UVRAG: variants seen among roughly 807,000 people sequenced by gnomAD.
The protein encoded by UVRAG is UV radiation resistance associated, also known as UV radiation resistance-associated gene protein.
In UVRAG, 19 loss-of-function variants were observed where a neutral mutation model predicts 78.0. The observed-to-expected ratio is 0.24, with a 90% CI of 0.17 to 0.36. The LOEUF (loss-of-function observed/expected upper bound fraction) is 0.36, where lower values mean the gene tolerates loss of function less well. UVRAG is among the 10% of genes least tolerant of loss of function. UVRAG has a pLI of 1.00. For missense variants in UVRAG, 740 were observed against 853.8 expected (o/e 0.87, Z 1.66); for synonymous variants, 323 against 324.6 (o/e 1.00, Z 0.05).
intron 13 of UVRAG, among the ~76,000 whole-genome samples, chr11:76,085,985 G>A (rs1951583619): frequency 6.6e-6 from 1 of 152,074 alleles, no homozygotes. Flanking sequence ...TGAAGTTGGT[G>A]CACCACCAAA....
At chr11:76,099,644 C>T (rs1467700365) in intron 13 of UVRAG, among the ~76,000 whole-genome samples, 1 of 152,016 alleles carries the variant, frequency 6.6e-6, no homozygotes, top group Non-Finnish European at 1.5e-5. Flanking sequence ...TCTTTTACAT[C>T]CCTCAATAGA....
chr11:76,069,473 A>C (rs929765037), intron 13 of UVRAG, among the ~76,000 whole-genome samples: 49 of 152,244 alleles, frequency 3.2e-4, no homozygotes, highest in African/African-American at 1.1e-3. Flanking sequence ...AGTATAATTG[A>C]CGTTGACTTT....
intron 6 of UVRAG, among the ~76,000 whole-genome samples, chr11:75,929,814 A>G (rs906384159): frequency 5.9e-5 from 9 of 152,272 alleles, no homozygotes; most frequent in South Asian, 2.1e-4. Context: ...CAGGCAGTAT[A>G]AGGAACAGAA....
chr11:76,012,793 ATGTTTGTGTGTGTGTGTGTG>A (rs1950075201), intron 11 of UVRAG: 2 of 128,018 alleles, frequency 1.6e-5, no homozygotes, highest in African/African-American at 6.5e-5. Context: ...TAAAAAAAAA[ATGTTTGTGTGTGTGTGTGTG>A]TGTGTGTGTG....
chr11:75,847,946 G>A (rs903464538), intron 1 of UVRAG, among the ~76,000 whole-genome samples: 2 of 147,650 alleles, frequency 1.4e-5, no homozygotes, highest in African/African-American at 5.3e-5. Flanking sequence ...ACTCCAGCCT[G>A]GCAACAGAGT....
intron 1 of UVRAG, among the ~76,000 whole-genome samples, chr11:75,824,743 G>A (rs1038082657): frequency 7.1e-5 from 10 of 141,260 alleles, no homozygotes; most frequent in Admixed American, 4.5e-4. Context: ...GCACGATCTC[G>A]GCTCACTGCA....
intron 13 of UVRAG, among the ~76,000 whole-genome samples, chr11:76,108,615 T>A (rs1425190929): frequency 6.6e-6 from 1 of 152,316 alleles, no homozygotes; most frequent in East Asian, 1.9e-4. Flanking sequence ...ACTATATTTT[T>A]ATACAAAAAG....
chr11:76,007,650 T>C (rs758952128), intron 10 of UVRAG, 29 bp downstream of exon 10: 2 of 1,585,832 alleles, frequency 1.3e-6, no homozygotes, highest in African/African-American at 1.4e-5. Flanking sequence ...GAAAATATTT[T>C]TCGTTTTGAA....
chr11:75,975,231 G>A (rs1949212857), intron 7 of UVRAG, among the ~76,000 whole-genome samples: 3 of 152,260 alleles, frequency 2.0e-5, no homozygotes, highest in South Asian at 4.1e-4. Context: ...CTATATCTCT[G>A]TTTTGGTACC....
At chr11:75,936,187 A>T (rs1396126356) in intron 6 of UVRAG, among the ~76,000 whole-genome samples, 1 of 152,190 alleles carries the variant, frequency 6.6e-6, no homozygotes, top group Non-Finnish European at 1.5e-5. Context: ...ATTGCTAGTG[A>T]TATAAACTTT....
chr11:76,017,630 C>G (rs530529841), intron 12 of UVRAG, among the ~76,000 whole-genome samples: 1 of 152,124 alleles, frequency 6.6e-6, no homozygotes, highest in South Asian at 2.1e-4. Context: ...AGTGAAAATA[C>G]TAAAAGCAAC....
At chr11:76,098,241 G>C (rs1158843610) in intron 13 of UVRAG, among the ~76,000 whole-genome samples, 1 of 152,124 alleles carries the variant, frequency 6.6e-6, no homozygotes, top group Non-Finnish European at 1.5e-5. Flanking sequence ...CTTAGGAATA[G>C]CTACTGAGGG....
chr11:75,853,520 C>T (rs1946208696), intron 2 of UVRAG, among the ~76,000 whole-genome samples: 1 of 152,080 alleles, frequency 6.6e-6, no homozygotes, highest in South Asian at 2.1e-4. Flanking sequence ...GCCACCACGC[C>T]TGGCTAACTT....
At position 76,016,918 on chromosome 11, in the gene UVRAG, T is replaced by A. The variant is rs1482244344; in HGVS notation, c.1164T>A (p.His388Gln). ...LQVPLRYPII[H>Q]KGSRSTIKDN... ...TGCCCCTCAGATATCCTATAATTCATAAGGGGTCTAGATCAACAATCAAAG... is the reference window on the plus strand; with the variant it reads ...TGCCCCTCAGATATCCTATAATTCAAAAGGGGTCTAGATCAACAATCAAAG... The change falls in exon 12 of 15, where the codon CAT becomes CAA. Residue 388 changes from histidine (H) to glutamine (Q), a missense_variant. Transcript: ENST00000356136. 1.9e-6 allele frequency: 3 copies of A among 1,611,544 alleles called. No individual in the cohort carries two copies. The highest frequency in any genetic ancestry group is 3.3e-5 in the Admixed American group (2 of 59,922).
chr11:75,821,370 C>T (rs888216416), intron 1 of UVRAG, among the ~76,000 whole-genome samples: 8 of 152,150 alleles, frequency 5.3e-5, no homozygotes, highest in Admixed American at 2.0e-4. Context: ...GAGACGGGGT[C>T]TCACTCTGTT....
chr11:76,114,951 C>T (rs2134465802), intron 13 of UVRAG, among the ~76,000 whole-genome samples: 1 of 152,294 alleles, frequency 6.6e-6, no homozygotes, highest in South Asian at 2.1e-4. Context: ...CACAGACATA[C>T]ATTTTATAAA....
chr11:76,101,192 G>A (rs7104995), intron 13 of UVRAG, among the ~76,000 whole-genome samples: 18,352 of 152,010 alleles, frequency 0.12, 2,769 homozygotes, highest in African/African-American at 0.36. Context: ...CACAATGGTT[G>A]AACTAATTTA....
chr11:76,037,563 A>T (rs910187947), intron 12 of UVRAG, among the ~76,000 whole-genome samples: 9 of 146,884 alleles, frequency 6.1e-5, no homozygotes, highest in African/African-American at 2.3e-4. Context: ...AAAAAAAAAA[A>T]TCAGCTGGGC....
At chr11:76,104,743 C>T (rs2134449871) in intron 13 of UVRAG, among the ~76,000 whole-genome samples, 1 of 152,306 alleles carries the variant, frequency 6.6e-6, no homozygotes, top group South Asian at 2.1e-4. Flanking sequence ...GTAATTTCTT[C>T]TAATGATCCT....
Sources: gnomAD v4.1 joint callset for allele counts (sites outside exome capture counted in the v4.1 genomes callset) on GRCh38, gnomAD v4.1.1 for gene constraint, MANE v1.5 for transcripts, NCBI Gene and HGNC (gene_info 2026-07-23, HGNC 2026-07-21) for gene names.